MTUS1: variants seen among roughly 807,000 people sequenced by gnomAD.
MTUS1 encodes microtubule associated scaffold protein 1.
MTUS1 carries 109 observed loss-of-function variants against 120.8 expected under a neutral mutation model. The observed-to-expected ratio is 0.90, with a 90% CI of 0.77 to 1.06. The LOEUF (loss-of-function observed/expected upper bound fraction) is 1.06. Among genes scored for constraint, MTUS1 ranks in the 50% least tolerant of loss-of-function variants. The pLI, the probability that MTUS1 is intolerant of heterozygous loss-of-function variation, is 0.00. For missense variants in MTUS1, 2,210 were observed against 1,486.3 expected, an observed-to-expected ratio of 1.49 and a Z score of -8.01; for synonymous variants, 737 against 550.5, an observed-to-expected ratio of 1.34 and a Z score of -4.74.
In MTUS1 at chr8:17,646,018, T is replaced by C; in HGVS notation, c.3721A>G (p.Ser1241Gly). ...GAGGATGTGGGGGATCTCTTGGGGC[T>C]ACACAGGTCCCCATTGTGCAGTTTC... ...LWKLHNGDLC[S>G]PKRSPTSSAI... The change falls in exon 15 of 15, where the codon AGC (serine) becomes GGC (glycine). Residue 1241 changes from serine (S) to glycine (G), a missense_variant. Coordinates refer to ENST00000693296, the MANE Select transcript of MTUS1 (RefSeq NM_001363059.2). The C allele has an allele frequency of 1.2e-6, 2 of 1,613,780 alleles. No individual in the cohort carries two copies. Among genetic ancestry groups the C allele is most frequent in the Non-Finnish European group, 8.5e-7 (1 of 1,179,966 alleles).
chr8:17,732,666 C>G (rs189652405), intron 3 of MTUS1, among the ~76,000 whole-genome samples: 3 of 152,174 alleles, frequency 2.0e-5, no homozygotes, highest in Admixed American at 1.3e-4. Flanking sequence ...TTCTATGTAA[C>G]TGAGTTTCAG....
intron 1 of MTUS1, among the ~76,000 whole-genome samples, chr8:17,760,026 T>A (rs388048): frequency 6.7e-6 from 1 of 150,032 alleles, no homozygotes. Context: ...CTGGGCAACA[T>A]AGCAGGACCC....
At chr8:17,777,252 C>T (rs536372375) in intron 1 of MTUS1, among the ~76,000 whole-genome samples, 38 of 152,078 alleles carry the variant, frequency 2.5e-4, no homozygotes, top group African/African-American at 7.7e-4. Flanking sequence ...GCCTGGCCAA[C>T]GTGGCAAAAC....
intron 6 of MTUS1, among the ~76,000 whole-genome samples, chr8:17,712,525 G>C (rs1338304041): frequency 2.0e-5 from 3 of 152,072 alleles, no homozygotes; most frequent in Non-Finnish European, 2.9e-5. Context: ...TTTTAGTAGA[G>C]ATGGGGTTTC....
rs1805471410 is a variant in MTUS1 at position 17,644,769 on chromosome 8, A to C, written c.*1157T>G. The stretch of plus-strand genomic sequence containing the variant: ...TCGTTCTTTATTCTAAGATTTCCCA[A>C]AATTTGTAATATCAAATCCAGGCTT... On this transcript the variant is annotated 3_prime_UTR_variant, in exon 15 of 15. Coordinates refer to ENST00000693296, the MANE Select transcript of MTUS1 (RefSeq NM_001363059.2). The C allele has an allele frequency of 6.6e-6, 1 of 152,190 alleles. No individual in the cohort carries two copies. Among genetic ancestry groups the C allele is most frequent in the Non-Finnish European group, 1.5e-5 (1 of 68,042 alleles). 9.4% of individuals were successfully genotyped at this position (152,190 alleles called of 1,614,324 possible).
At chr8:17,664,855 T>C (rs1810553470) in intron 8 of MTUS1, among the ~76,000 whole-genome samples, 1 of 152,074 alleles carries the variant, frequency 6.6e-6, no homozygotes, top group Admixed American at 6.5e-5. Context: ...ACTGAACAAG[T>C]AACCAAGAAG....
chr8:17,771,627 C>A (rs773189594), intron 1 of MTUS1, among the ~76,000 whole-genome samples: 1 of 152,134 alleles, frequency 6.6e-6, no homozygotes, highest in African/African-American at 2.4e-5. Flanking sequence ...AATCAGACAC[C>A]TGAAATGCAT....
At chr8:17,688,270 C>A (rs1043947044) in intron 6 of MTUS1, among the ~76,000 whole-genome samples, 2 of 152,154 alleles carry the variant, frequency 1.3e-5, no homozygotes, top group African/African-American at 4.8e-5. Flanking sequence ...TGGGTGTGCA[C>A]CTGCCCTGGT....
chr8:17,734,738 C>T (rs1445583102), intron 3 of MTUS1, among the ~76,000 whole-genome samples: 1 of 152,300 alleles, frequency 6.6e-6, no homozygotes, highest in Non-Finnish European at 1.5e-5. Context: ...AGGGTCTTCA[C>T]ATGTTCACCA....
At chr8:17,681,181 G>A (rs1055280229) in intron 7 of MTUS1, among the ~76,000 whole-genome samples, 32 of 152,078 alleles carry the variant, frequency 2.1e-4, no homozygotes, top group African/African-American at 7.2e-4. Flanking sequence ...TGATCCACCC[G>A]CCTTGGCCTC....
At chr8:17,759,361 T>G (rs2048866735) in intron 1 of MTUS1, among the ~76,000 whole-genome samples, 2 of 151,222 alleles carry the variant, frequency 1.3e-5, no homozygotes, top group African/African-American at 4.8e-5. Flanking sequence ...CCTCCTAGGC[T>G]CAAGCGATCT....
At chr8:17,717,955 A>T (rs746479960) in intron 4 of MTUS1, among the ~76,000 whole-genome samples, 1 of 152,232 alleles carries the variant, frequency 6.6e-6, no homozygotes, top group Non-Finnish European at 1.5e-5. Context: ...TTTTATACAT[A>T]TTTACATGAA....
intron 1 of MTUS1, among the ~76,000 whole-genome samples, chr8:17,764,924 C>T (rs1054551865): frequency 1.3e-5 from 2 of 152,118 alleles, no homozygotes; most frequent in African/African-American, 4.8e-5. Flanking sequence ...GATTACTGTA[C>T]ACTTTATTTC....
intron 8 of MTUS1, among the ~76,000 whole-genome samples, chr8:17,661,110 G>A (rs1428235308): frequency 2.6e-5 from 4 of 152,124 alleles, no homozygotes; most frequent in Non-Finnish European, 4.4e-5. Context: ...GACTCAAGAA[G>A]TCCAATGTTA....
chr8:17,736,215 C>T (rs1438763005), intron 3 of MTUS1, among the ~76,000 whole-genome samples: 3 of 152,230 alleles, frequency 2.0e-5, no homozygotes, highest in Non-Finnish European at 2.9e-5. Context: ...TTGTGTGAAA[C>T]GCCTGGAAAA....
intron 6 of MTUS1, among the ~76,000 whole-genome samples, chr8:17,701,553 G>T (rs1280357470): frequency 6.6e-6 from 1 of 151,934 alleles, no homozygotes; most frequent in African/African-American, 2.4e-5. Flanking sequence ...GTTCATCGTA[G>T]AATTTTTTTT....
chr8:17,651,181 G>A (rs988501718), intron 12 of MTUS1, among the ~76,000 whole-genome samples: 2 of 151,846 alleles, frequency 1.3e-5, no homozygotes, highest in African/African-American at 2.4e-5. Context: ...AGAGGTATGC[G>A]TGTGTATGGT....
chr8:17,791,654 C>G (rs2051792794), intron 1 of MTUS1, among the ~76,000 whole-genome samples: 1 of 152,154 alleles, frequency 6.6e-6, no homozygotes, highest in South Asian at 2.1e-4. Context: ...CAAGAGGTGA[C>G]AAAGCTGGAG....
intron 4 of MTUS1, chr8:17,722,338 G>C (rs1299160202): frequency 1.0e-6 from 1 of 965,294 alleles, no homozygotes; most frequent in African/African-American, 1.8e-5. Flanking sequence ...TCTAGAGCAT[G>C]TTGGTGATTC....
Sources: gnomAD v4.1 joint callset for allele counts (sites outside exome capture counted in the v4.1 genomes callset) on GRCh38, gnomAD v4.1.1 for gene constraint, MANE v1.5 for transcripts, NCBI Gene and HGNC (gene_info 2026-07-23, HGNC 2026-07-21) for gene names.